Variants in RAPGEF5 observed in about 807,000 individuals in gnomAD.
RAPGEF5 encodes M-Ras-regulated GEF.
RAPGEF5 carries 65 observed loss-of-function variants against 125.2 expected under a neutral mutation model. That is an observed-to-expected ratio of 0.52 (90% CI 0.43 to 0.64). The LOEUF (loss-of-function observed/expected upper bound fraction) is 0.64, where lower values mean the gene tolerates loss of function less well. RAPGEF5 is among the 30% of genes least tolerant of loss of function. RAPGEF5 has a pLI of 0.00. For synonymous variants in RAPGEF5, 391 were observed against 385.9 expected (o/e 1.01, Z -0.16); for missense variants, 958 against 1,048.1 (o/e 0.91, Z 1.19).
chr7:22,131,713 G>C (rs1416342186), intron 23 of RAPGEF5, among the ~76,000 whole-genome samples: 2 of 152,198 alleles, frequency 1.3e-5, no homozygotes, highest in Non-Finnish European at 2.9e-5. Context: ...AAAATAAAAG[G>C]AGGAAAGTAC....
intron 1 of RAPGEF5, among the ~76,000 whole-genome samples, chr7:22,327,433 C>T (rs907595929): frequency 2.0e-5 from 3 of 152,194 alleles, no homozygotes; most frequent in Non-Finnish European, 4.4e-5. Context: ...CAACATGATG[C>T]ATTCTGTGTA....
intron 3 of RAPGEF5, among the ~76,000 whole-genome samples, chr7:22,310,596 T>C (rs911361878): frequency 2.0e-5 from 3 of 152,238 alleles, no homozygotes; most frequent in African/African-American, 7.2e-5. Context: ...GATTTTTATC[T>C]AGTCCTTTTG....
intron 7 of RAPGEF5, among the ~76,000 whole-genome samples, chr7:22,260,129 A>G (rs1291959437): frequency 2.0e-5 from 3 of 152,188 alleles, no homozygotes; most frequent in Non-Finnish European, 4.4e-5. Context: ...GGTTAGAGGA[A>G]CATAGAGTTG....
intron 1 of RAPGEF5, among the ~76,000 whole-genome samples, chr7:22,323,121 T>C (rs943628026): frequency 6.6e-6 from 1 of 152,218 alleles, no homozygotes; most frequent in African/African-American, 2.4e-5. Context: ...TTTCCATATC[T>C]AGACATAGCC....
chr7:22,311,083 T>C (rs1783459399), intron 3 of RAPGEF5, among the ~76,000 whole-genome samples: 1 of 152,172 alleles, frequency 6.6e-6, no homozygotes, highest in Admixed American at 6.5e-5. Flanking sequence ...TGGAGTGCTG[T>C]GGTGCAATCT....
At position 22,244,649 on chromosome 7, in the gene RAPGEF5, T is replaced by C. The variant is rs1259608703; in HGVS notation, c.797-13730A>G. Reference sequence around the variant, plus strand: ...AATTATTTCATTATATATTACAATGTAATAATAATAAAGTGCACAGTAAAT... The same window carrying C: ...AATTATTTCATTATATATTACAATGCAATAATAATAAAGTGCACAGTAAAT... On this transcript the variant is annotated intron_variant, in intron 7 of 25. Coordinates refer to ENST00000665637, the MANE Select transcript of RAPGEF5 (RefSeq NM_012294.5). Among the ~76,000 whole-genome samples the C allele has an allele frequency of 2.0e-5, 3 of 152,100 alleles. No individual in the cohort carries two copies. In the South Asian group the frequency reaches 6.2e-4, roughly 32 times the overall value.
intron 1 of RAPGEF5, among the ~76,000 whole-genome samples, chr7:22,321,800 C>T (rs1467430636): frequency 6.6e-6 from 1 of 152,168 alleles, no homozygotes; most frequent in Non-Finnish European, 1.5e-5. Context: ...ACATAACTAG[C>T]AGGCACATAT....
chr7:22,122,241 CTG>C lies in RAPGEF5; in HGVS notation c.*163_*164del, dbSNP rs1782601879. On this transcript the variant is annotated 3_prime_UTR_variant, in exon 26 of 26. Transcript: ENST00000665637. ...AGAAACCTCTCCCCCTCTCTGGTGG[CTG>C]ACATCACTTCCTGAACACGCTTTGG... 22 of 579,794 alleles carry C rather than the reference CTG, an allele frequency of 3.8e-5. 2 individuals are homozygous for C. In the Admixed American group the frequency reaches 4.9e-4, roughly 13 times the overall value. The allele number at this position is 579,794 out of a possible 1,614,324, so 35.9% of individuals were successfully genotyped here.
Position 22,215,633 on chromosome 7 carries a change from T to C in RAPGEF5, c.996+4233A>G, listed in dbSNP as rs111254835. ...ATGGATGACAGAGAGTATTCTAGAA[T>C]AGAAGTATAGTAACACCAACTCAGA... On this transcript the variant is annotated intron_variant, in intron 9 of 25. Coordinates refer to ENST00000665637, the MANE Select transcript of RAPGEF5 (RefSeq NM_012294.5). Among the ~76,000 whole-genome samples, 344 of 152,320 alleles carry C rather than the reference T, an allele frequency of 2.3e-3. 3 individuals are homozygous for C. Among genetic ancestry groups the C allele is most frequent in the African/African-American group, 7.9e-3 (329 of 41,566 alleles).
At chr7:22,223,250 G>A (rs1260310700) in intron 8 of RAPGEF5, among the ~76,000 whole-genome samples, 2 of 152,166 alleles carry the variant, frequency 1.3e-5, no homozygotes, top group East Asian at 3.9e-4. Flanking sequence ...GGAGAGTAGT[G>A]AAGCTGCTTC....
chr7:22,337,698 C>G (rs890910091), intron 1 of RAPGEF5, among the ~76,000 whole-genome samples: 1 of 152,154 alleles, frequency 6.6e-6, no homozygotes, highest in African/African-American at 2.4e-5. Context: ...CTTTCACTGT[C>G]ATAATTTTCT....
chr7:22,134,805 G>A (rs1361454198), intron 23 of RAPGEF5, among the ~76,000 whole-genome samples: 1 of 152,092 alleles, frequency 6.6e-6, no homozygotes, highest in East Asian at 1.9e-4. Context: ...TAAATATGAA[G>A]AGTCAAATAA....
chr7:22,212,922 T>G (rs548646254), intron 9 of RAPGEF5, among the ~76,000 whole-genome samples: 35 of 152,316 alleles, frequency 2.3e-4, no homozygotes, highest in African/African-American at 8.2e-4. Context: ...TTTTCAACCA[T>G]ATTGCAGATG....
chr7:22,203,998 C>A (rs1785340519), intron 9 of RAPGEF5, among the ~76,000 whole-genome samples: 1 of 152,202 alleles, frequency 6.6e-6, no homozygotes, highest in Admixed American at 6.5e-5. Flanking sequence ...AAAGGTAGGA[C>A]AGAAACCTAC....
At position 22,310,101 on chromosome 7, in the gene RAPGEF5, G is replaced by A; in HGVS notation, c.390-11C>T. The A allele has an allele frequency of 6.5e-7, 1 of 1,541,164 alleles. No individual in the cohort carries two copies. Among genetic ancestry groups the A allele is most frequent in the Non-Finnish European group, 8.7e-7 (1 of 1,150,234 alleles). On this transcript the variant is annotated splice_polypyrimidine_tract_variant and intron_variant, in intron 3 of 25. Transcript: ENST00000665637. The stretch of plus-strand genomic sequence containing the variant: ...CCAACGCAGCTCCTCCTGAACAAAA[G>A]CAAAGCCATTCACAGTAAGATATTG...
chr7:22,144,792 T>C (rs1017322492), intron 20 of RAPGEF5, among the ~76,000 whole-genome samples: 6 of 152,232 alleles, frequency 3.9e-5, no homozygotes, highest in African/African-American at 1.4e-4. Context: ...ATGTGTGTAC[T>C]GCCTGCTTAT....
intron 1 of RAPGEF5, among the ~76,000 whole-genome samples, chr7:22,349,924 G>A (rs1185876712): frequency 6.6e-6 from 1 of 152,116 alleles, no homozygotes; most frequent in African/African-American, 2.4e-5. Flanking sequence ...GGACTCTGGA[G>A]GTTTCAATCT....
chr7:22,251,643 T>C (rs1425667720), intron 7 of RAPGEF5, among the ~76,000 whole-genome samples: 1 of 152,032 alleles, frequency 6.6e-6, no homozygotes, highest in Non-Finnish European at 1.5e-5. Flanking sequence ...ACTTCTGATT[T>C]GGTATCACTA....
At chr7:22,338,570 G>C (rs564620700) in intron 1 of RAPGEF5, among the ~76,000 whole-genome samples, 34 of 152,288 alleles carry the variant, frequency 2.2e-4, no homozygotes, top group African/African-American at 8.2e-4. Flanking sequence ...TAATGGCTGA[G>C]GTAGACATTC....
Sources: allele counts gnomAD v4.1 joint callset (sites outside exome capture counted in the v4.1 genomes callset), GRCh38; gene constraint gnomAD v4.1.1; transcripts MANE v1.5; gene names NCBI Gene and HGNC (gene_info 2026-07-23, HGNC 2026-07-21).